IFT22: variants seen among roughly 807,000 people sequenced by gnomAD.
IFT22 encodes intraflagellar transport protein 22 homolog.
In IFT22, 13 loss-of-function variants were observed where a neutral mutation model predicts 21.0. The ratio of observed to expected loss-of-function variants is 0.62; its 90% CI spans 0.40 to 0.98. The LOEUF (loss-of-function observed/expected upper bound fraction) is 0.98. Among genes scored for constraint, IFT22 ranks in the 50% least tolerant of loss-of-function variants. The pLI, the probability that IFT22 is intolerant of heterozygous loss-of-function variation, is 0.00. For missense variants in IFT22, 227 were observed against 228.9 expected (o/e 0.99, Z 0.06); for synonymous variants, 67 against 82.4 (o/e 0.81, Z 1.01).
chr7:101,320,393 G>A (rs1790300626), intron 1 of IFT22, among the ~76,000 whole-genome samples: 1 of 151,782 alleles, frequency 6.6e-6, no homozygotes, highest in Non-Finnish European at 1.5e-5. Flanking sequence ...CCGAGTAGCT[G>A]GGACTACAGG....
In IFT22 at chr7:101,311,902, G is replaced by T. The variant is rs1789987563; in HGVS notation, c.*3232C>A. Among the ~76,000 whole-genome samples the T allele has an allele frequency of 6.6e-6, 1 of 152,056 alleles. No homozygotes were observed. The highest frequency in any genetic ancestry group is 1.5e-5 in the Non-Finnish European group (1 of 68,024). On this transcript the variant is annotated 3_prime_UTR_variant, in exon 5 of 5. Transcript: ENST00000315322. ...AGGCACCTGTAATCCCAGCTGCTTG[G>T]GAGGCTGAGGGAGGAGAATCAGTTG... is the stretch of plus-strand genomic sequence containing the variant.
intron 1 of IFT22, among the ~76,000 whole-genome samples, chr7:101,321,115 C>T (rs1790332380): frequency 1.3e-5 from 2 of 152,072 alleles, no homozygotes; most frequent in Admixed American, 6.6e-5. Flanking sequence ...TGCACTCCAG[C>T]CTGGGTGACA....
chr7:101,317,046 A>G (rs1286310689), intron 3 of IFT22, among the ~76,000 whole-genome samples: 3 of 151,844 alleles, frequency 2.0e-5, no homozygotes, highest in Non-Finnish European at 2.9e-5. Flanking sequence ...GCAGCCTCCA[A>G]TGTGGGCCCA....
chr7:101,317,087 G>C (rs190913211), intron 3 of IFT22, among the ~76,000 whole-genome samples: 1 of 151,886 alleles, frequency 6.6e-6, no homozygotes, highest in Non-Finnish European at 1.5e-5. Context: ...TTCCTGAGTA[G>C]CTAGGACCAC....
intron 3 of IFT22, among the ~76,000 whole-genome samples, chr7:101,316,943 TAA>T (rs912381505): frequency 6.6e-6 from 1 of 151,528 alleles, no homozygotes; most frequent in Non-Finnish European, 1.5e-5. Flanking sequence ...AAAAAAATTT[TAA>T]AAAAAGTTGG....
intron 1 of IFT22, 86 bp downstream of exon 1, chr7:101,321,585 C>T: frequency 1.4e-6 from 2 of 1,410,770 alleles, no homozygotes; most frequent in Non-Finnish European, 1.9e-6. Flanking sequence ...GGGAGCAAGC[C>T]GCAGATCAGA....
At position 101,318,990 on chromosome 7, in the gene IFT22, C is replaced by A; in HGVS notation, c.82G>T (p.Asp28Tyr). The change falls in exon 2 of 5, where the codon GAC becomes TAC. Residue 28 changes from aspartate (D) to tyrosine (Y), a missense_variant. Coordinates refer to ENST00000315322, the MANE Select transcript of IFT22 (RefSeq NM_022777.4). ...TGGGTTGGGCTGTATTCAGTGATGTCAGAAGATTCTGTCAGAAAGTTGGCC... is the reference window on the plus strand; with the variant it reads ...TGGGTTGGGCTGTATTCAGTGATGTAAGAAGATTCTGTCAGAAAGTTGGCC... ...VLANFLTESS[D>Y]ITEYSPTQGV... 1 of 1,613,974 alleles carries A rather than the reference C, an allele frequency of 6.2e-7. No individual in the cohort carries two copies. The highest frequency in any genetic ancestry group is 1.3e-5 in the African/African-American group (1 of 75,012).
rs201439529 is a variant in IFT22 at position 101,319,003 on chromosome 7, C to G, written c.69G>C (p.Leu23=). 6.2e-7 allele frequency: 1 copy of G among 1,613,982 alleles called. No individual in the cohort carries two copies. The highest frequency in any genetic ancestry group is 1.3e-5 in the African/African-American group (1 of 75,012). The change falls in exon 2 of 5, where the codon CTG becomes CTC. Residue 23 remains leucine, a synonymous_variant. Transcript: ENST00000315322. The part of the protein sequence containing the change: ...ESGKTVLANF[L]TESSDITEYS... ...ATTCAGTGATGTCAGAAGATTCTGT[C>G]AGAAAGTTGGCCAAAACAGTTTTTC...
At position 101,312,514 on chromosome 7, in the gene IFT22, T is replaced by G. The variant is rs537742878; in HGVS notation, c.*2620A>C. ...CATATCAAGGTCATCTAAATAAATA[T>G]AATGTTTTGGAGAGAGTTGTTTTTT... is the stretch of plus-strand genomic sequence containing the variant. On this transcript the variant is annotated 3_prime_UTR_variant, in exon 5 of 5. Coordinates refer to ENST00000315322, the MANE Select transcript of IFT22 (RefSeq NM_022777.4). 6.7e-6 allele frequency among the ~76,000 whole-genome samples: 1 copy of G among 149,544 alleles called. No individual in the cohort carries two copies. The highest frequency in any genetic ancestry group is 1.5e-5 in the Non-Finnish European group (1 of 67,566).
At chr7:101,321,821 G>A (rs1423644596), upstream of IFT22, 3 of 1,009,348 alleles carry the variant, frequency 3.0e-6, no homozygotes, top group Non-Finnish European at 4.2e-6. Context: ...CCGCAGGGCC[G>A]ACGGGACTCG....
rs985723565 is a variant in IFT22 at position 101,312,631 on chromosome 7, G to A, written c.*2503C>T. On this transcript the variant is annotated 3_prime_UTR_variant, in exon 5 of 5. Coordinates refer to ENST00000315322, the MANE Select transcript of IFT22 (RefSeq NM_022777.4). ...GCTCACTGCAACCTCTGCCTCCTGGGTTCAAGTGATTCTCCTCCCTCAGCT... is the reference window on the plus strand; with the variant it reads ...GCTCACTGCAACCTCTGCCTCCTGGATTCAAGTGATTCTCCTCCCTCAGCT... Among the ~76,000 whole-genome samples the A allele has an allele frequency of 6.7e-6, 1 of 148,708 alleles. No homozygotes were observed. Among genetic ancestry groups the A allele is most frequent in the African/African-American group, 2.5e-5 (1 of 40,376 alleles).
Position 101,311,528 on chromosome 7 carries a change from C to G in IFT22, c.*3606G>C, listed in dbSNP as rs189273556. On this transcript the variant is annotated 3_prime_UTR_variant, in exon 5 of 5. Transcript: ENST00000315322. ...GCCACTCTCTCCAGTAGACTGCTCA[C>G]ACAGCTACATGTCAGCCCTCCTCAC... Among the ~76,000 whole-genome samples, 156 of 152,302 alleles carry G rather than the reference C, an allele frequency of 1.0e-3. 1 individual carries two copies. The highest frequency in any genetic ancestry group is 9.0e-3 in the Admixed American group (137 of 15,292).
intron 3 of IFT22, 101 bp from the exon 4 acceptor site, chr7:101,316,643 G>A (rs559611701): frequency 9.2e-6 from 11 of 1,195,050 alleles, no homozygotes; most frequent in East Asian, 2.5e-5. Flanking sequence ...GGTCTATGAC[G>A]GCTGGGCGTG....
chr7:101,316,946 A>G (rs1200850746), intron 3 of IFT22, among the ~76,000 whole-genome samples: 3 of 151,928 alleles, frequency 2.0e-5, no homozygotes, highest in Non-Finnish European at 4.4e-5. Flanking sequence ...AAAATTTTAA[A>G]AAAAGTTGGG....
In IFT22 at chr7:101,319,027, T is replaced by C; in HGVS notation, c.45A>G (p.Gly15=). 1 of 1,613,848 alleles carries C rather than the reference T, an allele frequency of 6.2e-7. No individual in the cohort carries two copies. The highest frequency in any genetic ancestry group is 8.5e-7 in the Non-Finnish European group (1 of 1,179,850). ...KILFVGPCES[G]KTVLANFLTE... ...TCAGAAAGTTGGCCAAAACAGTTTT[T>C]CCACTCTGTGAAAATGAGTGCAAAT... Residue 15 remains glycine (G), a synonymous_variant, in exon 2 of 5, where the codon GGA becomes GGG. Coordinates refer to ENST00000315322, the MANE Select transcript of IFT22 (RefSeq NM_022777.4).
In IFT22 at chr7:101,318,126, A is replaced by G; in HGVS notation, c.204T>C (p.Ala68=). The G allele has an allele frequency of 6.2e-7, 1 of 1,612,410 alleles. No individual in the cohort carries two copies. Among genetic ancestry groups the G allele is most frequent in the Non-Finnish European group, 8.5e-7 (1 of 1,178,634 alleles). ...EFELWDCGGD[A]KFESCWPALM... is the part of the protein sequence containing the mutation. ...GACTTTCTTTAAAGGAAACATACTT[A>G]GCATCGCCACCACAGTCCCATAGCT... Residue 68 remains alanine (A), a splice_region_variant and synonymous_variant, in exon 3 of 5, where the codon GCT becomes GCC. Transcript: ENST00000315322.
At chr7:101,318,269 C>T (rs1790222442) in intron 2 of IFT22, 56 bp from the exon 3 acceptor site, 1 of 1,435,276 alleles carries the variant, frequency 7.0e-7, no homozygotes, top group African/African-American at 1.4e-5. Flanking sequence ...CCTGTAATCT[C>T]AGCAGTCTGG....
In IFT22 at chr7:101,314,519, A is replaced by G. The variant is rs966822092; in HGVS notation, c.*615T>C. On this transcript the variant is annotated 3_prime_UTR_variant, in exon 5 of 5. Coordinates refer to ENST00000315322, the MANE Select transcript of IFT22 (RefSeq NM_022777.4). ...CTTTTTTGCATATCCAAGACATTGC[A>G]CTCAAGTTTCTGAATCGGCCTATTA... 2 of 152,222 alleles carry G rather than the reference A, an allele frequency of 1.3e-5. No homozygotes were observed. The highest frequency in any genetic ancestry group is 1.3e-4 in the Admixed American group (2 of 15,266). 9.4% of individuals were successfully genotyped at this position (152,222 alleles called of 1,614,324 possible).
In IFT22 at chr7:101,319,125, G is replaced by C. The variant is rs1346115404; in HGVS notation, c.40-93C>G. On this transcript the variant is annotated intron_variant, in intron 1 of 4. Coordinates refer to ENST00000315322, the MANE Select transcript of IFT22 (RefSeq NM_022777.4). ...AAGAGGTGGCCTGGAACCCGGTGTGGTGCAGTATAGGTCATGGGCACCCTG... is the reference window on the plus strand; with the variant it reads ...AAGAGGTGGCCTGGAACCCGGTGTGCTGCAGTATAGGTCATGGGCACCCTG... 5.7e-6 allele frequency: 7 copies of C among 1,233,200 alleles called. No homozygotes were observed. In the African/African-American group the frequency reaches 9.0e-5, roughly 16 times the overall value. 76.4% of individuals were successfully genotyped at this position (1,233,200 alleles called of 1,614,324 possible).
Sources: allele counts gnomAD v4.1 joint callset (sites outside exome capture counted in the v4.1 genomes callset), GRCh38; gene constraint gnomAD v4.1.1; transcripts MANE v1.5; gene names NCBI Gene and HGNC (gene_info 2026-07-23, HGNC 2026-07-21).